Variants in CDH23 observed in about 807,000 individuals in gnomAD.
CDH23 encodes cadherin-23.
CDH23 carries 189 observed loss-of-function variants against 317.1 expected under a neutral mutation model. The observed-to-expected ratio is 0.60, with a 90% confidence interval of 0.53 to 0.67. The LOEUF is 0.67. Among genes scored for constraint, CDH23 ranks in the 30% least tolerant of loss-of-function variants. The probability of loss-of-function intolerance (pLI) is 0.00; values close to 1 mark genes in which losing one functional copy is unlikely to be tolerated. For synonymous variants in CDH23, 1,839 were observed against 1,876.8 expected (o/e 0.98, Z 0.52); for missense variants, 4,401 against 4,592.4 (o/e 0.96, Z 1.20).
intron 12 of CDH23, among the ~76,000 whole-genome samples, chr10:71,644,720 A>G (rs1035941971): frequency 3.3e-5 from 5 of 152,200 alleles, no homozygotes; most frequent in African/African-American, 1.2e-4. Context: ...GGTTCAAGAG[A>G]AAAGGGCCCA....
In CDH23 at chr10:71,797,145, G is replaced by A; in HGVS notation, c.6754G>A (p.Ala2252Thr). 6.2e-7 allele frequency: 1 copy of A among 1,613,646 alleles called. No individual in the cohort carries two copies. Among genetic ancestry groups the A allele is most frequent in the Non-Finnish European group, 8.5e-7 (1 of 1,179,732 alleles). Residue 2252 changes from alanine to threonine, a missense_variant, in exon 49 of 70, where the codon GCC becomes ACC. Transcript: ENST00000224721. ...VKSPMNRELV[A>T]TYEVTLSVID... ...GTCCCCCATGAATCGGGAGCTGGTT[G>A]CCACCTATGAGGTCACTCTCTCAGT...
chr10:71,643,560 C>CT (rs1227076467), intron 11 of CDH23, among the ~76,000 whole-genome samples: 1 of 37,612 alleles, frequency 2.7e-5, no homozygotes, highest in Non-Finnish European at 1.0e-4. Flanking sequence ...GGAGCCCTTG[C>CT]CCCCCCCTCA....
intron 14 of CDH23, among the ~76,000 whole-genome samples, chr10:71,669,893 C>T (rs1864071926): frequency 6.6e-6 from 1 of 152,044 alleles, no homozygotes; most frequent in Non-Finnish European, 1.5e-5. Context: ...CCCAGCTACT[C>T]GGGAGGCTGA....
chr10:71,441,234 C>A (rs889923388), intron 2 of CDH23, among the ~76,000 whole-genome samples: 1 of 150,182 alleles, frequency 6.7e-6, no homozygotes, highest in Non-Finnish European at 1.5e-5. Flanking sequence ...CAGGATATCA[C>A]CCCCCTCACC....
At chr10:71,655,495 TAA>T (rs984817889) in intron 14 of CDH23, among the ~76,000 whole-genome samples, 7 of 152,188 alleles carry the variant, frequency 4.6e-5, no homozygotes, top group Admixed American at 2.0e-4. Flanking sequence ...CTTTTCCTGG[TAA>T]CTGGCATGTG....
intron 1 of CDH23, among the ~76,000 whole-genome samples, chr10:71,405,096 C>T (rs956362874): frequency 6.6e-6 from 1 of 152,200 alleles, no homozygotes; most frequent in Non-Finnish European, 1.5e-5. Flanking sequence ...TGCTGGCTTT[C>T]CCTGGCTTCG....
At chr10:71,780,560 A>G (rs996593488) in intron 41 of CDH23, among the ~76,000 whole-genome samples, 37 of 152,188 alleles carry the variant, frequency 2.4e-4, no homozygotes, top group African/African-American at 8.2e-4. Context: ...CAGCTGGGGG[A>G]AAGTTGAGCA....
rs181522339 is a variant in CDH23, at chr10:71,687,742, G to A, written c.2059+23G>A. The A allele has an allele frequency of 1.3e-3, 2,049 of 1,609,590 alleles. 1 individual carries two copies. The highest frequency in any genetic ancestry group is 1.6e-3 in the Admixed American group (97 of 59,818). On this transcript the variant is annotated intron_variant, in intron 19 of 69. Coordinates refer to ENST00000224721, the MANE Select transcript of CDH23 (RefSeq NM_022124.6). ...CAGGTACAGGCTCAGGTCGGGGGGT[G>A]GGGGGCACATGGAGGTAGGCAGCCA...
chr10:71,654,059 T>A (rs7923981), intron 14 of CDH23, among the ~76,000 whole-genome samples: 141,181 of 152,200 alleles, frequency 0.93, 65,555 homozygotes, highest in East Asian at 1. Context: ...GCCAACACAC[T>A]GAGTCTAGCC....
intron 22 of CDH23, 90 bp downstream of exon 22, chr10:71,695,615 T>C (rs764266441): frequency 4.7e-5 from 40 of 852,202 alleles, no homozygotes; most frequent in Non-Finnish European, 6.4e-5. Context: ...CCTTCCCCTA[T>C]GGGGCTGGTG....
chr10:71,503,487 A>G (rs1300371911), intron 3 of CDH23, among the ~76,000 whole-genome samples: 1 of 152,168 alleles, frequency 6.6e-6, no homozygotes, highest in Admixed American at 6.5e-5. Flanking sequence ...ACCTCTGGGC[A>G]GTTGTTAGCA....
chr10:71,804,456 C>T (rs1841650940), intron 55 of CDH23, among the ~76,000 whole-genome samples: 1 of 152,162 alleles, frequency 6.6e-6, no homozygotes, highest in East Asian at 1.9e-4. Flanking sequence ...AGAATGTCTC[C>T]CACTTGTTCT....
chr10:71,504,847 G>A (rs762701299), intron 3 of CDH23, among the ~76,000 whole-genome samples: 1 of 152,198 alleles, frequency 6.6e-6, no homozygotes, highest in Non-Finnish European at 1.5e-5. Flanking sequence ...CCTGTACTGT[G>A]CCTGTTGTTA....
intron 14 of CDH23, among the ~76,000 whole-genome samples, chr10:71,667,348 AAGAG>A (rs71480588): frequency 8.2e-6 from 1 of 122,308 alleles, no homozygotes. Context: ...GAGGCAGAGA[AAGAG>A]AGAGAGAGTG....
At chr10:71,675,809 C>T (rs1864337672) in intron 15 of CDH23, among the ~76,000 whole-genome samples, 1 of 152,188 alleles carries the variant, frequency 6.6e-6, no homozygotes, top group South Asian at 2.1e-4. Flanking sequence ...CCAGCCTTGC[C>T]CCATCACCCT....
chr10:71,631,410 GA>G (rs1468237690), intron 11 of CDH23, among the ~76,000 whole-genome samples: 1 of 152,218 alleles, frequency 6.6e-6, no homozygotes, highest in African/African-American at 2.4e-5. Context: ...AAGGGAAGGG[GA>G]AGAGGAGCAA....
chr10:71,656,394 C>G (rs920961807), intron 14 of CDH23, among the ~76,000 whole-genome samples: 3 of 152,186 alleles, frequency 2.0e-5, no homozygotes, highest in Non-Finnish European at 4.4e-5. Flanking sequence ...TCCTCCTTCC[C>G]CTCCCAGAGC....
rs181632605 is a variant in CDH23 at position 71,735,245 on chromosome 10, C to T, written c.4209+587C>T. On this transcript the variant is annotated intron_variant, in intron 34 of 69. Transcript: ENST00000224721. ...GGATGCACATTGTGGGGCCTGGGAG[C>T]GCTTAGGAAGGGGACCATGGGCACA... 8.5e-5 allele frequency among the ~76,000 whole-genome samples: 13 copies of T among 152,186 alleles called. No homozygotes were observed. The East Asian group carries it at 2.5e-3, about 29-fold the overall frequency.
chr10:71,574,019 G>A (rs1262668766), intron 8 of CDH23, among the ~76,000 whole-genome samples: 1 of 152,130 alleles, frequency 6.6e-6, no homozygotes, highest in Non-Finnish European at 1.5e-5. Context: ...TCCCTTTACA[G>A]TGTAGAACCC....
Sources: allele counts gnomAD v4.1 joint callset (sites outside exome capture counted in the v4.1 genomes callset), GRCh38; gene constraint gnomAD v4.1.1; transcripts MANE v1.5; gene names NCBI Gene and HGNC (gene_info 2026-07-23, HGNC 2026-07-21).